PPM1E: variants seen among roughly 807,000 people sequenced by gnomAD.
The protein encoded by PPM1E is protein phosphatase, Mg2+/Mn2+ dependent 1E.
A neutral mutation model predicts 65.9 loss-of-function variants in PPM1E; 20 were observed. That is an observed-to-expected ratio of 0.30 (90% CI 0.21 to 0.44). The LOEUF (loss-of-function observed/expected upper bound fraction) is 0.44, where lower values mean the gene tolerates loss of function less well. Among genes scored for constraint, PPM1E ranks in the 20% least tolerant of loss-of-function variants. The pLI is 1.00. For missense variants in PPM1E, 713 were observed against 953.1 expected, an observed-to-expected ratio of 0.75 and a Z score of 3.32; for synonymous variants, 352 against 374.9, an observed-to-expected ratio of 0.94 and a Z score of 0.70.
At chr17:58,962,932 T>C (rs2030081177) in intron 2 of PPM1E, among the ~76,000 whole-genome samples, 1 of 151,584 alleles carries the variant, frequency 6.6e-6, no homozygotes, top group South Asian at 2.1e-4. Flanking sequence ...AAAAAATTTT[T>C]TTTTAAATTA....
At chr17:58,769,913 G>T (rs563441031) in intron 1 of PPM1E, among the ~76,000 whole-genome samples, 2 of 152,154 alleles carry the variant, frequency 1.3e-5, no homozygotes, top group South Asian at 4.1e-4. Flanking sequence ...TGTAGTCCCA[G>T]CTATTCAGGA....
In PPM1E at chr17:58,980,923, G is replaced by GC. The variant is rs774856045; in HGVS notation, c.2162dup (p.Trp722MetfsTer5). On this transcript the variant is annotated frameshift_variant, in exon 7 of 7. Transcript: ENST00000308249. LOFTEE classifies it high-confidence loss of function. The surrounding 1 kb of genome is among the most constrained non-coding windows in gnomAD (Gnocchi z 4.7). ...AGAGAAATAGGATAAGAAGTTCTCT[G>GC]CCATGGAGGCAAAATAGTTGGAAAG... The GC allele has an allele frequency of 3.1e-6, 5 of 1,614,046 alleles. No individual in the cohort carries two copies. In the South Asian group the frequency reaches 4.4e-5, roughly 14 times the overall value.
rs1244676470 is a variant in PPM1E at position 58,921,723 on chromosome 17, T to C, written c.465-33926T>C. 4.7e-5 allele frequency among the ~76,000 whole-genome samples: 7 copies of C among 150,282 alleles called. No homozygotes were observed. The East Asian group carries it at 1.2e-3, about 26-fold the overall frequency. ...GAAGAGATGGCCTTAGATAGGATTATGGACAGTTTTACCATTGTGTAGGAA... is the reference window on the plus strand; with the variant it reads ...GAAGAGATGGCCTTAGATAGGATTACGGACAGTTTTACCATTGTGTAGGAA... On this transcript the variant is annotated intron_variant, in intron 1 of 6. Transcript: ENST00000308249.
chr17:58,825,694 C>A (rs1454819369), intron 1 of PPM1E, among the ~76,000 whole-genome samples: 1 of 151,766 alleles, frequency 6.6e-6, no homozygotes, highest in Non-Finnish European at 1.5e-5. Context: ...CTCAGCCTCC[C>A]AAGTAGCTGG....
intron 1 of PPM1E, among the ~76,000 whole-genome samples, chr17:58,922,160 G>C (rs748861361): frequency 1.3e-5 from 2 of 151,402 alleles, no homozygotes; most frequent in African/African-American, 4.8e-5. Flanking sequence ...ATGAGGAGAG[G>C]GAGGGAGAAG....
intron 1 of PPM1E, among the ~76,000 whole-genome samples, chr17:58,773,009 A>G (rs1303500547): frequency 6.8e-6 from 1 of 147,634 alleles, no homozygotes; most frequent in African/African-American, 2.5e-5. Context: ...TTCTCTCATC[A>G]TTCTACCTGA....
At chr17:58,810,818 T>C (rs781347656) in intron 1 of PPM1E, among the ~76,000 whole-genome samples, 1 of 152,194 alleles carries the variant, frequency 6.6e-6, no homozygotes, top group Admixed American at 6.5e-5. Flanking sequence ...GTTATTCTTT[T>C]TATTATGAAT....
intron 4 of PPM1E, among the ~76,000 whole-genome samples, chr17:58,971,037 A>G (rs1203739009): frequency 6.6e-6 from 1 of 151,908 alleles, no homozygotes; most frequent in African/African-American, 2.4e-5. Flanking sequence ...GGTGTCTCTC[A>G]GTTCTGCCAA....
intron 1 of PPM1E, among the ~76,000 whole-genome samples, chr17:58,915,056 A>AG (rs2051668725): frequency 6.6e-6 from 1 of 152,160 alleles, no homozygotes; most frequent in African/African-American, 2.4e-5. Flanking sequence ...GTTACCGGAA[A>AG]GGGGTCCCAG....
At chr17:58,790,531 A>G (rs1351691142) in intron 1 of PPM1E, among the ~76,000 whole-genome samples, 1 of 152,216 alleles carries the variant, frequency 6.6e-6, no homozygotes, top group Non-Finnish European at 1.5e-5. Context: ...TGGGCTGGTC[A>G]ATAGAATGTG....
At position 58,980,254 on chromosome 17, in the gene PPM1E, TAGTG is replaced by T; in HGVS notation, c.1494_1497del (p.Ser498ArgfsTer42). 6.2e-7 allele frequency: 1 copy of T among 1,614,198 alleles called. No individual in the cohort carries two copies. Among genetic ancestry groups the T allele is most frequent in the Non-Finnish European group, 8.5e-7 (1 of 1,180,024 alleles). On this transcript the variant is annotated frameshift_variant, in exon 7 of 7. Coordinates refer to ENST00000308249, the MANE Select transcript of PPM1E (RefSeq NM_014906.5). LOFTEE classifies it high-confidence loss of function. The surrounding 1 kb of genome is among the most constrained non-coding windows in gnomAD (Gnocchi z 4.7). Reference sequence around the variant, plus strand: ...GGGACATGAACAAAGCTGTAAATGTTAGTGAGGAATCAGATTGGACAGAGAACTC... The same window carrying T: ...GGGACATGAACAAAGCTGTAAATGTTAGGAATCAGATTGGACAGAGAACTC...
intron 1 of PPM1E, among the ~76,000 whole-genome samples, chr17:58,885,335 G>A (rs1238551515): frequency 6.6e-6 from 1 of 152,176 alleles, no homozygotes; most frequent in Non-Finnish European, 1.5e-5. Flanking sequence ...GGGATTACAG[G>A]CATGAGCCAC....
chr17:58,768,026 C>T (rs1206306309), intron 1 of PPM1E, among the ~76,000 whole-genome samples: 2 of 152,090 alleles, frequency 1.3e-5, no homozygotes, highest in African/African-American at 2.4e-5. Flanking sequence ...TCTTGGCTCA[C>T]TGCAGCCTCC....
At chr17:58,873,565 GTAT>G (rs140125879) in intron 1 of PPM1E, among the ~76,000 whole-genome samples, 1,715 of 140,950 alleles carry the variant, frequency 0.012, 23 homozygotes, top group African/African-American at 0.023. Context: ...AATGCTCATA[GTAT>G]TATTATTATT....
chr17:58,805,992 AAAC>A (rs1186218868), intron 1 of PPM1E, among the ~76,000 whole-genome samples: 42 of 119,128 alleles, frequency 3.5e-4, no homozygotes, highest in African/African-American at 1.6e-3. Context: ...AAACAAAACA[AAAC>A]AAAACAAAAA....
chr17:58,844,372 A>T (rs1269053486), intron 1 of PPM1E, among the ~76,000 whole-genome samples: 1 of 152,206 alleles, frequency 6.6e-6, no homozygotes, highest in East Asian at 1.9e-4. Flanking sequence ...GAAGAAAATA[A>T]AATTATAATA....
At chr17:58,952,167 G>A (rs2052248662) in intron 1 of PPM1E, among the ~76,000 whole-genome samples, 1 of 152,242 alleles carries the variant, frequency 6.6e-6, no homozygotes, top group South Asian at 2.1e-4. Flanking sequence ...GTTTATGGCA[G>A]AAGTCATGTA....
chr17:58,957,198 G>A (rs780673207), intron 2 of PPM1E, among the ~76,000 whole-genome samples: 1 of 152,122 alleles, frequency 6.6e-6, no homozygotes, highest in African/African-American at 2.4e-5. Context: ...CAGCTGTGAG[G>A]GGGTGGACTG....
At chr17:58,835,853 A>C (rs1446049912) in intron 1 of PPM1E, 1 of 152,258 alleles carries the variant, frequency 6.6e-6, no homozygotes, top group African/African-American at 2.4e-5. Flanking sequence ...TGGGTGACAG[A>C]ACAAGACCCC....
Sources: gnomAD v4.1 joint callset for allele counts (sites outside exome capture counted in the v4.1 genomes callset) on GRCh38, gnomAD v4.1.1 for gene constraint, Gnocchi (gnomAD v3.1) non-coding constraint, MANE v1.5 for transcripts, NCBI Gene and HGNC (gene_info 2026-07-23, HGNC 2026-07-21) for gene names.